TMEM135: variants seen among roughly 807,000 people sequenced by gnomAD.
The protein encoded by TMEM135 is transmembrane protein 135.
In TMEM135, 30 loss-of-function variants were observed where a neutral mutation model predicts 60.3. The ratio of observed to expected loss-of-function variants is 0.50; its 90% confidence interval spans 0.37 to 0.68. The LOEUF is 0.68. Among genes scored for constraint, TMEM135 ranks in the 30% least tolerant of loss-of-function variants. TMEM135 has a pLI of 0.00. For missense variants in TMEM135, 468 were observed against 548.8 expected (o/e 0.85, Z 1.47); for synonymous variants, 190 against 186.7 (o/e 1.02, Z -0.14).
At position 87,324,907 on chromosome 11, in the gene TMEM135, GT is replaced by G; in HGVS notation, c.*3575del. 1 of 453,872 alleles carries G rather than the reference GT, an allele frequency of 2.2e-6. No homozygotes were observed. The highest frequency in any genetic ancestry group is 4.4e-6 in the Non-Finnish European group (1 of 226,736). The allele number at this position is 453,872 out of a possible 1,614,324, so 28.1% of individuals were successfully genotyped here. ...GAATACTTCACTCAGCTGAAAATGAGTGGCCAAGAAAAAAATACAAGAAAAG... is the reference window on the plus strand; with the variant it reads ...GAATACTTCACTCAGCTGAAAATGAGGGCCAAGAAAAAAATACAAGAAAAG... On this transcript the variant is annotated 3_prime_UTR_variant, in exon 15 of 15. Transcript: ENST00000305494.
Position 87,070,671 on chromosome 11 carries a change from C to T in TMEM135, c.270-852C>T, listed in dbSNP as rs572951097. On this transcript the variant is annotated intron_variant, in intron 2 of 14. Transcript: ENST00000305494. ...CAACAACAAAAAACCAAACCAAAAA[C>T]GAAACCCAGACAGCTACTGGTCATT... Among the ~76,000 whole-genome samples, 3 of 151,994 alleles carry T rather than the reference C, an allele frequency of 2.0e-5. No homozygotes were observed. In the East Asian group the frequency reaches 5.8e-4, roughly 29 times the overall value.
Position 87,209,536 on chromosome 11 carries a change from C to T in TMEM135, c.463-27102C>T, listed in dbSNP as rs1940313322. 2.0e-5 allele frequency among the ~76,000 whole-genome samples: 3 copies of T among 152,072 alleles called. No homozygotes were observed. The South Asian group carries it at 6.2e-4, about 32-fold the overall frequency. ...TATATGCACTCAACATTGGAGTACCCAGATTCATAAAACAGGTTCTTATAG... is the reference window on the plus strand; with the variant it reads ...TATATGCACTCAACATTGGAGTACCTAGATTCATAAAACAGGTTCTTATAG... On this transcript the variant is annotated intron_variant, in intron 5 of 14. Coordinates refer to ENST00000305494, the MANE Select transcript of TMEM135 (RefSeq NM_022918.4).
At chr11:87,215,820 A>G (rs1261252991) in intron 5 of TMEM135, among the ~76,000 whole-genome samples, 1 of 152,136 alleles carries the variant, frequency 6.6e-6, no homozygotes, top group Admixed American at 6.6e-5. Flanking sequence ...CTTTGCTTTC[A>G]ACTATAACTT....
chr11:87,124,444 A>C (rs1937664052), intron 4 of TMEM135, among the ~76,000 whole-genome samples: 2 of 152,156 alleles, frequency 1.3e-5, no homozygotes, highest in South Asian at 4.1e-4. Context: ...TGCTGGATCA[A>C]ACTACCTTAG....
chr11:87,082,809 C>G (rs1857019141), intron 3 of TMEM135, among the ~76,000 whole-genome samples: 1 of 152,140 alleles, frequency 6.6e-6, no homozygotes, highest in Non-Finnish European at 1.5e-5. Context: ...TGATGACTAG[C>G]AGTTTCTTTT....
At chr11:87,137,767 T>A (rs1005820182) in intron 4 of TMEM135, among the ~76,000 whole-genome samples, 2 of 152,158 alleles carry the variant, frequency 1.3e-5, no homozygotes, top group African/African-American at 4.8e-5. Context: ...ATTTTCATTA[T>A]GTTAAAAGAA....
At chr11:87,247,903 C>T (rs1443707927) in intron 6 of TMEM135, among the ~76,000 whole-genome samples, 1 of 152,030 alleles carries the variant, frequency 6.6e-6, no homozygotes, top group African/African-American at 2.4e-5. Flanking sequence ...GTGAGATAAA[C>T]CCGGTACCTC....
chr11:87,322,931 T>G lies in TMEM135; in HGVS notation c.*1598T>G, dbSNP rs750210576. On this transcript the variant is annotated 3_prime_UTR_variant, in exon 15 of 15. Transcript: ENST00000305494. Reference sequence around the variant, plus strand: ...TTCGGTTTCAGACTTCAAAGTTGATTAATAAATTTAATCTTAACTTTTTAT... The same window carrying G: ...TTCGGTTTCAGACTTCAAAGTTGATGAATAAATTTAATCTTAACTTTTTAT... The G allele has an allele frequency of 1.1e-5, 5 of 454,322 alleles. No individual in the cohort carries two copies. Among genetic ancestry groups the G allele is most frequent in the Non-Finnish European group, 2.2e-5 (5 of 226,742 alleles). 28.1% of individuals were successfully genotyped at this position (454,322 alleles called of 1,614,324 possible). A position where few individuals can be genotyped will look rare whatever the true frequency, so the allele number is the denominator to read the frequency against.
chr11:87,240,867 A>G (rs1458394412), intron 6 of TMEM135, among the ~76,000 whole-genome samples: 1 of 142,174 alleles, frequency 7.0e-6, no homozygotes, highest in African/African-American at 2.6e-5. Context: ...AACAAATCCA[A>G]GTTTATTTTA....
intron 5 of TMEM135, among the ~76,000 whole-genome samples, chr11:87,222,448 G>A (rs1403571147): frequency 6.8e-6 from 1 of 147,366 alleles, no homozygotes; most frequent in East Asian, 2.0e-4. Context: ...GCAGTGAGCC[G>A]AGATCGCACC....
chr11:87,198,937 G>A (rs1308095000), intron 5 of TMEM135, among the ~76,000 whole-genome samples: 2 of 152,170 alleles, frequency 1.3e-5, no homozygotes, highest in East Asian at 1.9e-4. Flanking sequence ...CTCTCAAGAG[G>A]CTTATATTTT....
chr11:87,294,169 G>T (rs1251148672), intron 6 of TMEM135, among the ~76,000 whole-genome samples: 1 of 152,172 alleles, frequency 6.6e-6, no homozygotes, highest in Admixed American at 6.5e-5. Context: ...CTTTTGAGAA[G>T]TGTCTGTTTT....
At chr11:87,100,226 T>C (rs1476296589) in intron 4 of TMEM135, among the ~76,000 whole-genome samples, 2 of 152,194 alleles carry the variant, frequency 1.3e-5, no homozygotes, top group South Asian at 2.1e-4. Flanking sequence ...ACTTGATACA[T>C]AGATTTTGAC....
At chr11:87,039,436 G>A (rs866507444) in intron 1 of TMEM135, among the ~76,000 whole-genome samples, 4 of 152,170 alleles carry the variant, frequency 2.6e-5, no homozygotes, top group Non-Finnish European at 4.4e-5. Flanking sequence ...GCTGCACTTT[G>A]AATAATAAAG....
intron 6 of TMEM135, among the ~76,000 whole-genome samples, chr11:87,276,880 C>T (rs1354555365): frequency 6.6e-6 from 1 of 151,682 alleles, no homozygotes. Context: ...CCATGTTGGC[C>T]AGGCTGGTCT....
intron 2 of TMEM135, among the ~76,000 whole-genome samples, chr11:87,068,697 G>A (rs371418554): frequency 1.3e-5 from 2 of 151,148 alleles, no homozygotes; most frequent in African/African-American, 2.4e-5. Flanking sequence ...TGTAGTCGCA[G>A]CTACTCGGGA....
intron 6 of TMEM135, among the ~76,000 whole-genome samples, chr11:87,252,422 T>A (rs1029426840): frequency 7.9e-5 from 12 of 152,194 alleles, no homozygotes; most frequent in Non-Finnish European, 1.8e-4. Context: ...AAAAATCTAA[T>A]GCTCGTGGCT....
At chr11:87,162,832 C>G (rs963961543) in intron 5 of TMEM135, among the ~76,000 whole-genome samples, 2 of 152,114 alleles carry the variant, frequency 1.3e-5, no homozygotes, top group Non-Finnish European at 2.9e-5. Flanking sequence ...TTTACACTTC[C>G]ACCAACAGTG....
intron 3 of TMEM135, among the ~76,000 whole-genome samples, chr11:87,086,129 T>C (rs1414693155): frequency 6.6e-6 from 1 of 152,208 alleles, no homozygotes; most frequent in East Asian, 1.9e-4. Flanking sequence ...TCTTTGGTGA[T>C]TATATGTCTA....
Sources: allele counts gnomAD v4.1 joint callset (sites outside exome capture counted in the v4.1 genomes callset), GRCh38; gene constraint gnomAD v4.1.1; transcripts MANE v1.5; gene names NCBI Gene and HGNC (gene_info 2026-07-23, HGNC 2026-07-21).